The following ADCY8 variants were observed in gnomAD, a reference collection of about 807,000 sequenced individuals.
ADCY8 encodes adenylate cyclase 8, also known as adenylate cyclase type 8.
Under a neutral mutation model 119.7 loss-of-function variants are expected in ADCY8, and 51 were observed. The ratio of observed to expected loss-of-function variants is 0.43; its 90% confidence interval spans 0.34 to 0.54. ADCY8 has a LOEUF of 0.54. Among genes scored for constraint, ADCY8 ranks in the 20% least tolerant of loss-of-function variants. The probability of loss-of-function intolerance (pLI) is 0.03; values close to 1 mark genes in which losing one functional copy is unlikely to be tolerated. For synonymous variants in ADCY8, 665 were observed against 651.0 expected (o/e 1.02, Z -0.33); for missense variants, 1,383 against 1,598.8 (o/e 0.87, Z 2.30).
intron 9 of ADCY8, among the ~76,000 whole-genome samples, chr8:130,857,016 A>G (rs936771217): frequency 9.3e-5 from 14 of 150,862 alleles, no homozygotes; most frequent in African/African-American, 3.4e-4. Flanking sequence ...TAGTTCTTAT[A>G]AAGTGTCTGC....
intron 1 of ADCY8, among the ~76,000 whole-genome samples, chr8:131,024,933 G>A (rs1823778332): frequency 6.6e-6 from 1 of 152,108 alleles, no homozygotes; most frequent in African/African-American, 2.4e-5. Flanking sequence ...CAAATAAATG[G>A]GGAAAGCATA....
chr8:130,835,772 T>G (rs1441502942), intron 12 of ADCY8, among the ~76,000 whole-genome samples: 1 of 152,190 alleles, frequency 6.6e-6, no homozygotes, highest in African/African-American at 2.4e-5. Context: ...TAATACAATG[T>G]AAATGCTATG....
At chr8:130,841,416 C>T (rs151131852) in intron 11 of ADCY8, among the ~76,000 whole-genome samples, 3 of 152,144 alleles carry the variant, frequency 2.0e-5, no homozygotes, top group Admixed American at 6.5e-5. Flanking sequence ...AAATTGGAAT[C>T]TCATGATATG....
intron 3 of ADCY8, among the ~76,000 whole-genome samples, chr8:130,944,860 G>C (rs1294639454): frequency 2.0e-5 from 3 of 152,188 alleles, no homozygotes; most frequent in African/African-American, 7.2e-5. Context: ...ATAAGACCTA[G>C]TGCCTTTCCT....
chr8:130,808,930 C>T (rs1016639805), intron 14 of ADCY8, among the ~76,000 whole-genome samples: 1 of 151,620 alleles, frequency 6.6e-6, no homozygotes, highest in Non-Finnish European at 1.5e-5. Flanking sequence ...CAGTGGGTTT[C>T]CCGGGACTCA....
chr8:130,804,151 T>C (rs928246484), intron 14 of ADCY8, among the ~76,000 whole-genome samples: 4 of 152,208 alleles, frequency 2.6e-5, no homozygotes, highest in Non-Finnish European at 4.4e-5. Context: ...GTTTACTGTA[T>C]TACCTATAGT....
chr8:131,026,978 C>T (rs1586667162), intron 1 of ADCY8, among the ~76,000 whole-genome samples: 2 of 152,204 alleles, frequency 1.3e-5, no homozygotes, highest in Admixed American at 1.3e-4. Flanking sequence ...GAAAAAATTG[C>T]AGATCAATCC....
intron 12 of ADCY8, among the ~76,000 whole-genome samples, chr8:130,825,156 A>G (rs923677346): frequency 6.6e-6 from 1 of 152,228 alleles, no homozygotes; most frequent in Non-Finnish European, 1.5e-5. Flanking sequence ...GTTAATTAGC[A>G]TATTCACTAC....
At chr8:130,961,133 G>A (rs1014155796) in intron 2 of ADCY8, among the ~76,000 whole-genome samples, 12 of 151,606 alleles carry the variant, frequency 7.9e-5, no homozygotes, top group Non-Finnish European at 1.5e-4. Flanking sequence ...TTTTTGAGAC[G>A]GAGTCTCACT....
At chr8:130,929,166 T>C (rs745864687) in intron 5 of ADCY8, among the ~76,000 whole-genome samples, 2 of 152,160 alleles carry the variant, frequency 1.3e-5, no homozygotes, top group Non-Finnish European at 2.9e-5. Context: ...TCCTGATTTT[T>C]ATTATTTTCT....
At chr8:130,915,131 C>T (rs768077799) in intron 5 of ADCY8, among the ~76,000 whole-genome samples, 11 of 152,164 alleles carry the variant, frequency 7.2e-5, no homozygotes, top group African/African-American at 1.2e-4. Flanking sequence ...AAAAAACACA[C>T]GTAATTATCA....
intron 9 of ADCY8, among the ~76,000 whole-genome samples, chr8:130,862,106 T>A (rs534307811): frequency 6.6e-6 from 1 of 152,298 alleles, no homozygotes; most frequent in South Asian, 2.1e-4. Flanking sequence ...GTTTTATGTT[T>A]ATGTTTATGA....
intron 1 of ADCY8, among the ~76,000 whole-genome samples, chr8:131,027,122 C>A (rs1013503616): frequency 7.9e-5 from 12 of 152,198 alleles, no homozygotes; most frequent in African/African-American, 2.9e-4. Context: ...AAGGACTGCT[C>A]ATTTTTTTGT....
At chr8:130,972,539 C>G (rs1256165753) in intron 2 of ADCY8, among the ~76,000 whole-genome samples, 4 of 151,948 alleles carry the variant, frequency 2.6e-5, no homozygotes. Context: ...TTAAAAAGAC[C>G]CAAAATATCT....
At chr8:130,883,877 T>A (rs1326389973) in intron 8 of ADCY8, among the ~76,000 whole-genome samples, 1 of 152,200 alleles carries the variant, frequency 6.6e-6, no homozygotes, top group Non-Finnish European at 1.5e-5. Context: ...TTGAACACTT[T>A]ACCTAATCAA....
At chr8:130,814,039 T>G in intron 14 of ADCY8, 30 bp downstream of exon 14, 1 of 1,612,848 alleles carries the variant, frequency 6.2e-7, no homozygotes, top group Non-Finnish European at 8.5e-7. Context: ...CACCACCCTT[T>G]CTCACTGGCT....
At chr8:130,840,405 ATT>A (rs1431142483) in intron 11 of ADCY8, among the ~76,000 whole-genome samples, 2 of 99,136 alleles carry the variant, frequency 2.0e-5, no homozygotes, top group African/African-American at 5.3e-5. Context: ...AAATAAGAAT[ATT>A]GATTAGGCAT....
chr8:130,785,460 G>A lies in ADCY8; in HGVS notation c.3076C>T (p.Arg1026Ter), dbSNP rs752100162. The A allele has an allele frequency of 1.2e-6, 2 of 1,609,204 alleles. No homozygotes were observed. Among genetic ancestry groups the A allele is most frequent in the Non-Finnish European group, 8.5e-7 (1 of 1,177,494 alleles). ...ADFDELLGED[R>*]FQDIEKIKTI... is the part of the protein sequence containing the mutation. ...TTAATCTTTTCAATGTCTTGAAATCGGTCTTCACCAAGCAACTGAAAGAGA... is the reference window on the plus strand; with the variant it reads ...TTAATCTTTTCAATGTCTTGAAATCAGTCTTCACCAAGCAACTGAAAGAGA... The change falls in exon 16 of 18, where the codon CGA (arginine) becomes TGA (stop). Residue 1026 changes from arginine (R) to a stop codon, truncating the protein, a stop_gained. Coordinates refer to ENST00000286355, the MANE Select transcript of ADCY8 (RefSeq NM_001115.3). LOFTEE classifies it high-confidence loss of function.
At chr8:131,036,581 G>C (rs1267001824) in intron 1 of ADCY8, among the ~76,000 whole-genome samples, 1 of 152,088 alleles carries the variant, frequency 6.6e-6, no homozygotes, top group African/African-American at 2.4e-5. Flanking sequence ...TTCTTGTGAG[G>C]GTGTGGGGAG....
Sources: gnomAD v4.1 joint callset for allele counts (sites outside exome capture counted in the v4.1 genomes callset) on GRCh38, gnomAD v4.1.1 for gene constraint, MANE v1.5 for transcripts, NCBI Gene and HGNC (gene_info 2026-07-23, HGNC 2026-07-21) for gene names.